The following ADCY1 variants were observed in gnomAD, a reference collection of about 807,000 sequenced individuals.
The protein encoded by ADCY1 is adenylate cyclase 1.
In ADCY1, 28 loss-of-function variants were observed where a neutral mutation model predicts 105.4. The ratio of observed to expected loss-of-function variants is 0.27; its 90% CI spans 0.20 to 0.36. The LOEUF (loss-of-function observed/expected upper bound fraction) is 0.36, where lower values mean the gene tolerates loss of function less well. Ranked by LOEUF, ADCY1 falls within the 10% of genes least tolerant of loss-of-function variation. The pLI, the probability that ADCY1 is intolerant of heterozygous loss-of-function variation, is 1.00. For synonymous variants in ADCY1, 655 were observed against 623.8 expected (o/e 1.05, Z -0.75); for missense variants, 977 against 1,434.2 (o/e 0.68, Z 5.15).
Position 45,575,019 on chromosome 7 carries a change from C to T in ADCY1, c.476C>T (p.Ala159Val), listed in dbSNP as rs1405838702. Residue 159 changes from alanine (A) to valine (V), a missense_variant, in exon 1 of 20, where the codon GCC becomes GTC. Coordinates refer to ENST00000297323, the MANE Select transcript of ADCY1 (RefSeq NM_021116.4). The surrounding 1 kb of genome is among the most constrained non-coding windows in gnomAD (Gnocchi z 4.7). ...GGGGCCGCTGGGGGGCCAGCGACCG[C>T]CGAACAAGGGGTTTGGCAGCTCCTT... is the stretch of plus-strand genomic sequence containing the variant. ...SAGAAGGPAT[A>V]EQGVWQLLLV... 16 of 1,612,112 alleles carry T rather than the reference C, an allele frequency of 9.9e-6. No homozygotes were observed. Among genetic ancestry groups the T allele is most frequent in the Non-Finnish European group, 1.4e-5 (16 of 1,179,568 alleles).
intron 11 of ADCY1, among the ~76,000 whole-genome samples, chr7:45,680,035 G>T (rs1784526339): frequency 6.6e-6 from 1 of 152,240 alleles, no homozygotes. Flanking sequence ...AGGGGAGGCA[G>T]TTCTGTTCCC....
chr7:45,655,767 G>C (rs1175109433), intron 5 of ADCY1, among the ~76,000 whole-genome samples: 1 of 152,182 alleles, frequency 6.6e-6, no homozygotes, highest in Non-Finnish European at 1.5e-5. Flanking sequence ...GGGATCTGGG[G>C]ATGAAGGTGG....
chr7:45,641,487 C>T (rs1354692030), intron 4 of ADCY1, among the ~76,000 whole-genome samples: 2 of 152,154 alleles, frequency 1.3e-5, no homozygotes, highest in African/African-American at 2.4e-5. Context: ...GACATCATCT[C>T]GCTGCCTCCA....
intron 14 of ADCY1, among the ~76,000 whole-genome samples, chr7:45,695,689 A>G (rs1237623107): frequency 6.6e-6 from 1 of 152,262 alleles, no homozygotes; most frequent in Non-Finnish European, 1.5e-5. Flanking sequence ...CAAAAGCTCC[A>G]AAGACCCCAG....
intron 1 of ADCY1, among the ~76,000 whole-genome samples, chr7:45,577,028 CAG>C (rs1272293610): frequency 6.6e-6 from 1 of 152,172 alleles, no homozygotes; most frequent in African/African-American, 2.4e-5. Context: ...TTTCTGGACA[CAG>C]GGAACTCTGC....
At chr7:45,655,622 G>A (rs1048907421) in intron 5 of ADCY1, among the ~76,000 whole-genome samples, 2 of 152,222 alleles carry the variant, frequency 1.3e-5, no homozygotes, top group Non-Finnish European at 2.9e-5. Flanking sequence ...CAAGAATTGA[G>A]ATCTTTGAGG....
intron 14 of ADCY1, among the ~76,000 whole-genome samples, chr7:45,687,837 G>A (rs1294000412): frequency 6.6e-6 from 1 of 152,192 alleles, no homozygotes; most frequent in African/African-American, 2.4e-5. Flanking sequence ...AACCTGTGGA[G>A]AGAGCTGTGT....
At chr7:45,695,350 T>TGTA (rs1183057450) in intron 14 of ADCY1, among the ~76,000 whole-genome samples, 1 of 152,178 alleles carries the variant, frequency 6.6e-6, no homozygotes, top group Non-Finnish European at 1.5e-5. Flanking sequence ...ATTATCCCCA[T>TGTA]GTAACAGGTG....
At chr7:45,707,840 T>A (rs1023915352) in intron 17 of ADCY1, among the ~76,000 whole-genome samples, 2 of 152,190 alleles carry the variant, frequency 1.3e-5, no homozygotes, top group African/African-American at 4.8e-5. Context: ...TGTTAATTTT[T>A]AAAAAGCATT....
upstream of ADCY1, chr7:45,574,184 G>A: frequency 2.1e-6 from 2 of 973,548 alleles, no homozygotes; most frequent in Non-Finnish European, 2.4e-6. The surrounding 1 kb of genome is among the most constrained non-coding windows in gnomAD (Gnocchi z 7.0). Flanking sequence ...GAGGGGACAA[G>A]GAAGGTACTC....
chr7:45,610,187 T>G (rs758933093), intron 2 of ADCY1, among the ~76,000 whole-genome samples, 192 bp from the exon 3 acceptor site: 4 of 152,078 alleles, frequency 2.6e-5, no homozygotes, highest in Admixed American at 6.5e-5. Flanking sequence ...GCAGGGAGGC[T>G]TGGGTGTTGG....
chr7:45,667,482 G>C (rs1157363977), intron 8 of ADCY1, among the ~76,000 whole-genome samples: 1 of 152,130 alleles, frequency 6.6e-6, no homozygotes, highest in Non-Finnish European at 1.5e-5. Flanking sequence ...TGTTCCATTG[G>C]TCTATAACTC....
rs1329708350 is a variant in ADCY1 at position 45,677,946 on chromosome 7, G to A, written c.1683G>A (p.Pro561=). The change falls in exon 9 of 20, where the codon CCG becomes CCA. Residue 561 remains proline (P), a synonymous_variant. Transcript: ENST00000297323. The part of the protein sequence containing the change: ...SFSTNVVYTT[P]GTRVNRYISR... ...CTACCAACGTTGTCTACACCACCCC[G>A]GGCACTCGCGTCAACAGGTACATCA... 4 of 1,614,088 alleles carry A rather than the reference G, an allele frequency of 2.5e-6. No homozygotes were observed. Among genetic ancestry groups the A allele is most frequent in the East Asian group, 4.5e-5 (2 of 44,870 alleles).
chr7:45,681,876 G>T (rs560705498), intron 11 of ADCY1, among the ~76,000 whole-genome samples: 2 of 152,268 alleles, frequency 1.3e-5, no homozygotes, highest in African/African-American at 4.8e-5. Flanking sequence ...TCCTTGAGAA[G>T]GCCGGGTAGA....
chr7:45,664,460 G>T, intron 8 of ADCY1: 2 of 1,523,620 alleles, frequency 1.3e-6, no homozygotes, highest in Non-Finnish European at 1.8e-6. Context: ...GGGCATTCAC[G>T]CCAGCTCTGT....
chr7:45,642,078 G>A (rs1274288901), intron 4 of ADCY1, among the ~76,000 whole-genome samples: 2 of 152,092 alleles, frequency 1.3e-5, no homozygotes, highest in African/African-American at 4.8e-5. Context: ...GCCATTGAGG[G>A]AAGTTTATTA....
intron 11 of ADCY1, among the ~76,000 whole-genome samples, chr7:45,683,180 T>C (rs888279563): frequency 6.6e-6 from 1 of 152,168 alleles, no homozygotes; most frequent in African/African-American, 2.4e-5. Flanking sequence ...AACATTCATA[T>C]GGGACACAGT....
At chr7:45,659,972 T>C (rs1795051100) in intron 6 of ADCY1, 70 bp from the exon 7 acceptor site, 1 of 1,584,984 alleles carries the variant, frequency 6.3e-7, no homozygotes, top group Non-Finnish European at 8.6e-7. Context: ...CCTTCCCCTC[T>C]GGTAAGGCCC....
At position 45,651,920 on chromosome 7, in the gene ADCY1, T is replaced by C. The variant is rs542460198; in HGVS notation, c.1148+3123T>C. ...AATCCTAAGGCACATAAGGAATGTGTATTAGTCTGTTGTCACACTGCTATA... is the reference window on the plus strand; with the variant it reads ...AATCCTAAGGCACATAAGGAATGTGCATTAGTCTGTTGTCACACTGCTATA... On this transcript the variant is annotated intron_variant, in intron 5 of 19. Transcript: ENST00000297323. Among the ~76,000 whole-genome samples, 10 of 152,230 alleles carry C rather than the reference T, an allele frequency of 6.6e-5. No individual in the cohort carries two copies. In the South Asian group the frequency reaches 1.7e-3, roughly 25 times the overall value.
Sources: gnomAD v4.1 joint callset for allele counts (sites outside exome capture counted in the v4.1 genomes callset) on GRCh38, gnomAD v4.1.1 for gene constraint, Gnocchi (gnomAD v3.1) non-coding constraint, MANE v1.5 for transcripts, NCBI Gene and HGNC (gene_info 2026-07-23, HGNC 2026-07-21) for gene names.